Variants in OGFOD1 observed in about 807,000 individuals in gnomAD.
The protein encoded by OGFOD1 is 2-oxoglutarate and iron dependent oxygenase domain containing 1.
OGFOD1 carries 54 observed loss-of-function variants against 67.7 expected under a neutral mutation model. The observed-to-expected ratio is 0.80, with a 90% CI of 0.64 to 1.00. The LOEUF (loss-of-function observed/expected upper bound fraction) is 1.00, where lower values mean the gene tolerates loss of function less well. Among genes scored for constraint, OGFOD1 ranks in the 50% least tolerant of loss-of-function variants. The pLI, the probability that OGFOD1 is intolerant of heterozygous loss-of-function variation, is 0.00. For missense variants in OGFOD1, 606 were observed against 646.7 expected (o/e 0.94, Z 0.68); for synonymous variants, 221 against 227.0 (o/e 0.97, Z 0.24).
In OGFOD1 at chr16:56,477,458, A is replaced by G. The variant is rs1963534925; in HGVS notation, c.*1253A>G. The G allele has an allele frequency of 2.6e-5, 4 of 152,306 alleles. No homozygotes were observed. The highest frequency in any genetic ancestry group is 2.0e-4 in the Admixed American group (3 of 15,292). 9.4% of individuals were successfully genotyped at this position (152,306 alleles called of 1,614,324 possible). ...AGTGCCCACTGCCTTTCCATCCTGC[A>G]ATTGTGGCCTGTGTATAATTAAATG... On this transcript the variant is annotated 3_prime_UTR_variant, in exon 13 of 13. Coordinates refer to ENST00000566157, the MANE Select transcript of OGFOD1 (RefSeq NM_018233.4).
In OGFOD1 at chr16:56,451,640, G is replaced by T. The variant is rs1319009151; in HGVS notation, c.28G>T (p.Gly10Cys). ...GAATGGGAAGCGGCCAGCGGAGCCC[G>T]GCCCAGCCCGGGTGGGAAAAAAGGG... is the stretch of plus-strand genomic sequence containing the variant. Reference protein sequence around the residue: MNGKRPAEPGPARVGKKGKK... With the variant: MNGKRPAEPCPARVGKKGKK... The change falls in exon 1 of 13, where the codon GGC becomes TGC. Residue 10 changes from glycine to cysteine, a missense_variant. Physicochemically the swap from Gly to Cys is radical, Grantham distance 159. Coordinates refer to ENST00000566157, the MANE Select transcript of OGFOD1 (RefSeq NM_018233.4). 2 of 1,613,954 alleles carry T rather than the reference G, an allele frequency of 1.2e-6. No homozygotes were observed. The highest frequency in any genetic ancestry group is 3.3e-4 in the Middle Eastern group (2 of 6,062).
At position 56,458,454 on chromosome 16, in the gene OGFOD1, CAATGCT is replaced by C. The variant is rs1596968256; in HGVS notation, c.301-92_301-87del. 3.5e-6 allele frequency: 4 copies of C among 1,127,090 alleles called. No homozygotes were observed. In the East Asian group the frequency reaches 9.4e-5, roughly 27 times the overall value. The allele number at this position is 1,127,090 out of a possible 1,614,324, so 69.8% of individuals were successfully genotyped here. ...GCTTCAGAGTCTGGGCTCTTAATGA[CAATGCT>C]AGGACCAGAACACTCACTAAACTGC... On this transcript the variant is annotated intron_variant, in intron 2 of 12. Coordinates refer to ENST00000566157, the MANE Select transcript of OGFOD1 (RefSeq NM_018233.4).
intron 4 of OGFOD1, among the ~76,000 whole-genome samples, chr16:56,464,598 G>C (rs768487892): frequency 6.6e-6 from 1 of 152,110 alleles, no homozygotes; most frequent in Non-Finnish European, 1.5e-5. Flanking sequence ...ATGGATTGCT[G>C]GTTGTGTAAT....
chr16:56,475,566 G>GTC lies in OGFOD1; in HGVS notation c.1467+2_1467+3insCT. The GTC allele has an allele frequency of 1.2e-6, 2 of 1,613,356 alleles. No individual in the cohort carries two copies. The highest frequency in any genetic ancestry group is 2.2e-5 in the East Asian group (1 of 44,866). On this transcript the variant is annotated splice_donor_variant, in intron 12 of 12. Transcript: ENST00000566157. LOFTEE classifies it high-confidence loss of function. ...CATTGCCAAAGGTGAAGATGAAGAG[G>GTC]TAAGTTTCTTCTGATAGCAAACTAT...
In OGFOD1 at chr16:56,477,339, C is replaced by T. The variant is rs908211263; in HGVS notation, c.*1134C>T. On this transcript the variant is annotated 3_prime_UTR_variant, in exon 13 of 13. Coordinates refer to ENST00000566157, the MANE Select transcript of OGFOD1 (RefSeq NM_018233.4). ...GTGTAGGCTTAGTGTAGTATTATTC[C>T]CTTGGAAAGGGTCTGGCCTACCATC... 2.0e-5 allele frequency: 3 copies of T among 152,036 alleles called. No individual in the cohort carries two copies. Among genetic ancestry groups the T allele is most frequent in the East Asian group, 1.9e-4 (1 of 5,172 alleles). 9.4% of individuals were successfully genotyped at this position (152,036 alleles called of 1,614,324 possible).
intron 3 of OGFOD1, among the ~76,000 whole-genome samples, chr16:56,461,496 C>T (rs1321244545): frequency 2.6e-5 from 4 of 152,142 alleles, no homozygotes; most frequent in South Asian, 2.1e-4. Context: ...TTCTGAGTTC[C>T]GTGAGCTATT....
At chr16:56,471,867 G>A (rs1963202935) in intron 10 of OGFOD1, among the ~76,000 whole-genome samples, 1 of 152,218 alleles carries the variant, frequency 6.6e-6, no homozygotes, top group African/African-American at 2.4e-5. Context: ...ATTGATACTG[G>A]CATTTATGCC....
chr16:56,459,889 T>A (rs1263520334), intron 3 of OGFOD1, among the ~76,000 whole-genome samples: 3 of 152,164 alleles, frequency 2.0e-5, no homozygotes, highest in Admixed American at 6.5e-5. Context: ...GATTTTTTTT[T>A]AATAGTTTTT....
At chr16:56,473,234 A>G (rs140547138) in intron 10 of OGFOD1, among the ~76,000 whole-genome samples, 1 of 152,266 alleles carries the variant, frequency 6.6e-6, no homozygotes, top group South Asian at 2.1e-4. Context: ...CTGGCCACCA[A>G]AGCAGTTTTA....
Position 56,470,040 on chromosome 16 carries a change from A to C in OGFOD1, c.938A>C (p.His313Pro), listed in dbSNP as rs752839344. Residue 313 changes from histidine to proline, a missense_variant, in exon 9 of 13, where the codon CAT becomes CCT. By Grantham distance (77) the His-to-Pro change is moderately conservative. Coordinates refer to ENST00000566157, the MANE Select transcript of OGFOD1 (RefSeq NM_018233.4). ...KFTKVCEALE[H>P]GHVEWSSRGP... Reference sequence around the variant, plus strand: ...ACGAAAGTCTGTGAGGCCTTGGAGCATGGACATGTGGAATGGAGCAGCCGA... The same window carrying C: ...ACGAAAGTCTGTGAGGCCTTGGAGCCTGGACATGTGGAATGGAGCAGCCGA... 6.2e-7 allele frequency: 1 copy of C among 1,614,134 alleles called. No individual in the cohort carries two copies. The highest frequency in any genetic ancestry group is 1.3e-5 in the African/African-American group (1 of 75,006).
rs766962558 is a variant in OGFOD1, at chr16:56,470,727, C to T, written c.1221C>T (p.Ser407=). Residue 407 remains serine (S), a synonymous_variant, in exon 10 of 13, where the codon AGC becomes AGT. Coordinates refer to ENST00000566157, the MANE Select transcript of OGFOD1 (RefSeq NM_018233.4). ...PEPENNQMAI[S]NNSQQSNEQT... ...CAGAGAATAATCAGATGGCCATCAG[C>T]AACAACAGCCAACAGAGCAATGAGC... The T allele has an allele frequency of 6.2e-7, 1 of 1,613,764 alleles. No individual in the cohort carries two copies. The highest frequency in any genetic ancestry group is 1.3e-5 in the African/African-American group (1 of 75,026).
intron 8 of OGFOD1, 96 bp from the exon 9 acceptor site, chr16:56,469,907 G>A: frequency 3.8e-6 from 3 of 795,462 alleles, no homozygotes; most frequent in Non-Finnish European, 6.2e-6. Flanking sequence ...TTAGGAATCA[G>A]CCAGATTGAT....
At chr16:56,454,491 CTCTT>C (rs1187578829) in intron 2 of OGFOD1, among the ~76,000 whole-genome samples, 2 of 146,528 alleles carry the variant, frequency 1.4e-5, no homozygotes, top group Non-Finnish European at 3.0e-5. Context: ...AAAAGACTAT[CTCTT>C]TTTTTTTTTT....
At chr16:56,456,348 C>G (rs1962522099) in intron 2 of OGFOD1, among the ~76,000 whole-genome samples, 1 of 152,206 alleles carries the variant, frequency 6.6e-6, no homozygotes, top group African/African-American at 2.4e-5. Context: ...TCCCTAGGTA[C>G]ACAGGCTTCT....
chr16:56,457,702 C>T (rs973215203), intron 2 of OGFOD1, among the ~76,000 whole-genome samples: 1 of 150,712 alleles, frequency 6.6e-6, no homozygotes, highest in Non-Finnish European at 1.5e-5. Flanking sequence ...TTTTTTTAGA[C>T]GGAGTTTTGC....
At chr16:56,470,421 C>G (rs1596983453) in intron 9 of OGFOD1, 66 bp from the exon 10 acceptor site, 3 of 1,422,752 alleles carry the variant, frequency 2.1e-6, no homozygotes, top group Non-Finnish European at 2.9e-6. Flanking sequence ...TAACGATCAG[C>G]TTTTATTCTG....
intron 10 of OGFOD1, among the ~76,000 whole-genome samples, chr16:56,471,467 C>T (rs1963181465): frequency 6.6e-6 from 1 of 151,912 alleles, no homozygotes. Context: ...CTGAATATAA[C>T]AGCCTAAGAA....
rs768021183 is a variant in OGFOD1 at position 56,470,660 on chromosome 16, CT to C, written c.1155del (p.Asp386IlefsTer54). The C allele has an allele frequency of 2.2e-5, 35 of 1,614,204 alleles. No homozygotes were observed. In the East Asian group the frequency reaches 5.3e-4, roughly 25 times the overall value. On this transcript the variant is annotated frameshift_variant, in exon 10 of 13. Coordinates refer to ENST00000566157, the MANE Select transcript of OGFOD1 (RefSeq NM_018233.4). LOFTEE classifies it high-confidence loss of function. The stretch of plus-strand genomic sequence containing the variant: ...AATGATAAAAAAGAGGCAGAAACCA[CT>C]GATATCACTGAAGAAGGGACTAGCC... ...EMNDKKEAET[T>X]DITEEGTSHS...
rs560252855 is a variant in OGFOD1 at position 56,472,339 on chromosome 16, A to G, written c.1285+1548A>G. On this transcript the variant is annotated intron_variant, in intron 10 of 12. Coordinates refer to ENST00000566157, the MANE Select transcript of OGFOD1 (RefSeq NM_018233.4). The stretch of plus-strand genomic sequence containing the variant: ...GAACCTGCAACTTAGGATAAAATCT[A>G]TATGGGCAGCCAAAAGATGCTTTAT... Among the ~76,000 whole-genome samples, 4 of 152,206 alleles carry G rather than the reference A, an allele frequency of 2.6e-5. No individual in the cohort carries two copies. The South Asian group carries it at 8.3e-4, about 31-fold the overall frequency.
Sources: gnomAD v4.1 joint callset for allele counts (sites outside exome capture counted in the v4.1 genomes callset) on GRCh38, gnomAD v4.1.1 for gene constraint, MANE v1.5 for transcripts, NCBI Gene and HGNC (gene_info 2026-07-23, HGNC 2026-07-21) for gene names.